CCSER1: variants seen among roughly 807,000 people sequenced by gnomAD.
The protein encoded by CCSER1 is serine-rich coiled-coil domain-containing protein 1.
In CCSER1, 41 loss-of-function variants were observed where a neutral mutation model predicts 82.0. That is an observed-to-expected ratio of 0.50 (90% CI 0.39 to 0.65). The LOEUF (loss-of-function observed/expected upper bound fraction) is 0.65, where lower values mean the gene tolerates loss of function less well. CCSER1 is among the 30% of genes least tolerant of loss of function. The probability of loss-of-function intolerance (pLI) is 0.00; values close to 1 mark genes in which losing one functional copy is unlikely to be tolerated. For synonymous variants in CCSER1, 414 were observed against 383.9 expected (o/e 1.08, Z -0.92); for missense variants, 1,119 against 1,064.2 (o/e 1.05, Z -0.72).
At chr4:91,555,446 G>T (rs947587097) in intron 10 of CCSER1, among the ~76,000 whole-genome samples, 11 of 150,858 alleles carry the variant, frequency 7.3e-5, no homozygotes, top group African/African-American at 1.9e-4. Flanking sequence ...CTAGTTTAAA[G>T]CCCAATGCCC....
chr4:91,249,105 T>C (rs886810674), intron 10 of CCSER1, among the ~76,000 whole-genome samples: 5 of 152,144 alleles, frequency 3.3e-5, no homozygotes, highest in South Asian at 4.1e-4. Context: ...GTAGAAATTA[T>C]TGCTAAAATT....
intron 3 of CCSER1, among the ~76,000 whole-genome samples, chr4:90,348,859 C>T (rs8180224): frequency 0.29 from 44,521 of 151,984 alleles, 6,660 homozygotes; most frequent in East Asian, 0.44. Context: ...TGTTGTGAAC[C>T]ACATTTTAAC....
chr4:90,488,972 G>A (rs1312640390), intron 5 of CCSER1, among the ~76,000 whole-genome samples: 1 of 152,096 alleles, frequency 6.6e-6, no homozygotes, highest in Non-Finnish European at 1.5e-5. Flanking sequence ...TTATTGTATG[G>A]AAAATTTTAC....
intron 5 of CCSER1, among the ~76,000 whole-genome samples, chr4:90,540,260 AAC>A (rs1279702790): frequency 1.3e-5 from 2 of 152,124 alleles, no homozygotes; most frequent in African/African-American, 4.8e-5. Flanking sequence ...ATAAGTATAA[AAC>A]ACATATTTCA....
At chr4:90,404,750 T>C (rs939420020) in intron 4 of CCSER1, among the ~76,000 whole-genome samples, 2 of 152,122 alleles carry the variant, frequency 1.3e-5, no homozygotes, top group Non-Finnish European at 2.9e-5. Flanking sequence ...TGGCTAGACC[T>C]GGATGGGCAA....
At chr4:90,579,030 C>CT (rs1375984748) in intron 5 of CCSER1, among the ~76,000 whole-genome samples, 1 of 53,562 alleles carries the variant, frequency 1.9e-5, no homozygotes, top group Non-Finnish European at 3.0e-5. Context: ...AAAAGCTTGA[C>CT]TTTTTTTAAT....
intron 10 of CCSER1, among the ~76,000 whole-genome samples, chr4:91,218,022 T>G (rs369489266): frequency 2.0e-5 from 3 of 151,772 alleles, no homozygotes; most frequent in East Asian, 3.9e-4. Context: ...GAGCAGGGGG[T>G]GGTGCTTGTC....
At chr4:91,475,565 T>C (rs1757546851) in intron 10 of CCSER1, among the ~76,000 whole-genome samples, 1 of 151,940 alleles carries the variant, frequency 6.6e-6, no homozygotes, top group Non-Finnish European at 1.5e-5. Context: ...TTGCACTTAA[T>C]TTAGTAAAAG....
intron 6 of CCSER1, among the ~76,000 whole-genome samples, chr4:90,671,638 C>T (rs933758957): frequency 2.6e-5 from 4 of 151,918 alleles, no homozygotes; most frequent in Admixed American, 1.3e-4. Flanking sequence ...GGTTGGAATC[C>T]AAACTCCTGT....
chr4:90,600,020 C>T (rs1297288903), intron 5 of CCSER1, among the ~76,000 whole-genome samples: 2 of 152,082 alleles, frequency 1.3e-5, no homozygotes, highest in African/African-American at 4.8e-5. Context: ...TTTTGATGTT[C>T]TTATGTACTG....
chr4:91,021,820 C>G (rs1037431650), intron 9 of CCSER1, among the ~76,000 whole-genome samples: 1 of 151,950 alleles, frequency 6.6e-6, no homozygotes, highest in African/African-American at 2.4e-5. Context: ...GCAAAGCACA[C>G]TTTTTTTAAA....
intron 8 of CCSER1, among the ~76,000 whole-genome samples, chr4:90,843,212 T>G (rs533370313): frequency 3.4e-5 from 5 of 145,372 alleles, no homozygotes; most frequent in Middle Eastern, 3.5e-3. Flanking sequence ...TCATGTAATG[T>G]GGTAAGGCTT....
chr4:90,390,660 C>A lies in CCSER1; in HGVS notation c.1510-9376C>A, dbSNP rs188017715. Among the ~76,000 whole-genome samples the A allele has an allele frequency of 2.5e-4, 38 of 152,298 alleles. No individual in the cohort carries two copies. The East Asian group carries it at 6.9e-3, about 28-fold the overall frequency. On this transcript the variant is annotated intron_variant, in intron 3 of 10. Coordinates refer to ENST00000509176, the MANE Select transcript of CCSER1 (RefSeq NM_001145065.2). The stretch of plus-strand genomic sequence containing the variant: ...GGTATTCCATAGTGTATATGCACCA[C>A]ATTTTCTTTATCCAGTCCACCATTG...
intron 5 of CCSER1, among the ~76,000 whole-genome samples, chr4:90,479,099 TC>T (rs995357016): frequency 3.9e-5 from 6 of 152,124 alleles, no homozygotes; most frequent in Non-Finnish European, 7.3e-5. Flanking sequence ...GTGAAATCAT[TC>T]TTTTTTTTTT....
At chr4:90,662,816 A>G (rs944723139) in intron 6 of CCSER1, among the ~76,000 whole-genome samples, 1 of 152,198 alleles carries the variant, frequency 6.6e-6, no homozygotes, top group African/African-American at 2.4e-5. Flanking sequence ...ATTTCAAGTC[A>G]TACATTAAAG....
At chr4:90,818,666 G>A (rs1759350465) in intron 8 of CCSER1, among the ~76,000 whole-genome samples, 1 of 152,166 alleles carries the variant, frequency 6.6e-6, no homozygotes, top group Non-Finnish European at 1.5e-5. Context: ...GTGGCACTTT[G>A]TTGTGTCTGT....
At chr4:91,384,713 A>C (rs1578328447) in intron 10 of CCSER1, among the ~76,000 whole-genome samples, 1 of 152,256 alleles carries the variant, frequency 6.6e-6, no homozygotes, top group South Asian at 2.1e-4. Flanking sequence ...CAGATTGTTA[A>C]ATTTCACTGA....
intron 6 of CCSER1, among the ~76,000 whole-genome samples, chr4:90,671,429 G>C (rs1186907348): frequency 6.6e-6 from 1 of 152,028 alleles, no homozygotes; most frequent in African/African-American, 2.4e-5. Context: ...ATCTTCAGCA[G>C]AAGTAGATTT....
chr4:90,855,267 C>T (rs1441330103), intron 8 of CCSER1, among the ~76,000 whole-genome samples: 1 of 152,130 alleles, frequency 6.6e-6, no homozygotes, highest in Non-Finnish European at 1.5e-5. Flanking sequence ...CACCACTTTG[C>T]TTCTACCACC....
Sources: gnomAD v4.1 joint callset for allele counts (sites outside exome capture counted in the v4.1 genomes callset) on GRCh38, gnomAD v4.1.1 for gene constraint, MANE v1.5 for transcripts, NCBI Gene and HGNC (gene_info 2026-07-23, HGNC 2026-07-21) for gene names.